The following CPD variants were observed in gnomAD, a reference collection of about 807,000 sequenced individuals.
The protein encoded by CPD is carboxypeptidase D, also known as metallocarboxypeptidase D.
Under a neutral mutation model 138.3 loss-of-function variants are expected in CPD, and 69 were observed. The ratio of observed to expected loss-of-function variants is 0.50; its 90% CI spans 0.41 to 0.61. The LOEUF (loss-of-function observed/expected upper bound fraction) is 0.61. CPD is among the 20% of genes least tolerant of loss of function. The probability of loss-of-function intolerance (pLI) is 0.00; values close to 1 mark genes in which losing one functional copy is unlikely to be tolerated. For missense variants in CPD, 1,432 were observed against 1,733.3 expected (o/e 0.83, Z 3.09); for synonymous variants, 651 against 642.1 (o/e 1.01, Z -0.21).
At chr17:30,381,248 G>A (rs113353795) in intron 1 of CPD, among the ~76,000 whole-genome samples, 9 of 152,198 alleles carry the variant, frequency 5.9e-5, no homozygotes, top group African/African-American at 2.2e-4. Flanking sequence ...GATGGCCAGG[G>A]CTTTTTGGAG....
In CPD at chr17:30,421,013, A is replaced by G. The variant is rs750971511; in HGVS notation, c.1137+30A>G. 8.1e-6 allele frequency: 13 copies of G among 1,607,788 alleles called. No homozygotes were observed. In the Admixed American group the frequency reaches 2.2e-4, roughly 27 times the overall value. ...AAGTAGATGACTGGAATGTTGGGGTATAGAAACAGGATTAAATAAGGGAGA... is the reference window on the plus strand; with the variant it reads ...AAGTAGATGACTGGAATGTTGGGGTGTAGAAACAGGATTAAATAAGGGAGA... On this transcript the variant is annotated intron_variant, in intron 3 of 20. Transcript: ENST00000225719.
intron 2 of CPD, among the ~76,000 whole-genome samples, chr17:30,392,538 C>T (rs1911386971): frequency 6.6e-6 from 1 of 152,130 alleles, no homozygotes; most frequent in Admixed American, 6.5e-5. Flanking sequence ...AATACTTTTA[C>T]TATACATTCT....
chr17:30,427,278 C>A, intron 6 of CPD, 113 bp from the exon 7 acceptor site: 2 of 823,248 alleles, frequency 2.4e-6, no homozygotes, highest in Middle Eastern at 2.4e-4. Context: ...TTGATAATAG[C>A]GAAGCCTGAT....
intron 17 of CPD, among the ~76,000 whole-genome samples, chr17:30,458,311 A>T (rs1026583699): frequency 5.3e-5 from 8 of 152,146 alleles, no homozygotes; most frequent in African/African-American, 1.9e-4. Flanking sequence ...TACCTTTTAA[A>T]TTTCTTGATT....
chr17:30,468,046 G>A lies in CPD; in HGVS notation c.*3232G>A, dbSNP rs531127625. The A allele has an allele frequency of 5.3e-5, 8 of 152,146 alleles. No homozygotes were observed. Among genetic ancestry groups the A allele is most frequent in the Non-Finnish European group, 1.0e-4 (7 of 67,962 alleles). 9.4% of individuals were successfully genotyped at this position (152,146 alleles called of 1,614,324 possible). A position where few individuals can be genotyped will look rare whatever the true frequency, so the allele number is the denominator to read the frequency against. ...TCTGATTTGTTTTAGCTAAAATTTT[G>A]GGGATATGATTTGGGTCTTTGATTA... On this transcript the variant is annotated 3_prime_UTR_variant, in exon 21 of 21. Transcript: ENST00000225719.
chr17:30,453,554 T>C (rs755132924), intron 14 of CPD, among the ~76,000 whole-genome samples: 1 of 152,216 alleles, frequency 6.6e-6, no homozygotes, highest in Non-Finnish European at 1.5e-5. Flanking sequence ...TGAGTGTCTG[T>C]GGCTTTTCCA....
At chr17:30,441,585 A>G (rs1379189932) in intron 9 of CPD, among the ~76,000 whole-genome samples, 1 of 97,256 alleles carries the variant, frequency 1.0e-5, no homozygotes, top group African/African-American at 4.0e-5. Flanking sequence ...AATACGTCCC[A>G]TCAATACCTA....
intron 11 of CPD, 163 bp downstream of exon 11, chr17:30,444,134 T>G: frequency 1.9e-6 from 1 of 527,324 alleles, no homozygotes; most frequent in Non-Finnish European, 3.2e-6. Context: ...TAGTGGCAGA[T>G]AGAGTACACG....
At chr17:30,420,336 C>T (rs1041939441) in intron 2 of CPD, among the ~76,000 whole-genome samples, 1 of 152,194 alleles carries the variant, frequency 6.6e-6, no homozygotes, top group Non-Finnish European at 1.5e-5. Flanking sequence ...ATCGTAGGTA[C>T]TTAATAATGC....
intron 20 of CPD, 117 bp from the exon 21 acceptor site, chr17:30,464,471 G>A (rs1044405537): frequency 5.3e-6 from 4 of 748,678 alleles, no homozygotes; most frequent in Middle Eastern, 2.4e-4. Flanking sequence ...GTTCTTAAGT[G>A]CATGAAATAG....
At chr17:30,446,836 T>C (rs1480812963) in intron 12 of CPD, among the ~76,000 whole-genome samples, 1 of 152,228 alleles carries the variant, frequency 6.6e-6, no homozygotes, top group African/African-American at 2.4e-5. Context: ...CTCCAGCACC[T>C]GTTGTTTCCT....
chr17:30,457,475 G>A (rs1178941721), intron 17 of CPD, among the ~76,000 whole-genome samples: 1 of 152,152 alleles, frequency 6.6e-6, no homozygotes, highest in Non-Finnish European at 1.5e-5. Context: ...GGTATTACAA[G>A]TATCTGTCAC....
At chr17:30,380,669 T>C (rs1254148558) in intron 1 of CPD, 7 of 1,469,842 alleles carry the variant, frequency 4.8e-6, no homozygotes, top group African/African-American at 1.4e-5. Context: ...AGTTAAACTT[T>C]ACAGGAATTG....
In CPD at chr17:30,379,539, T is replaced by G; in HGVS notation, c.559T>G (p.Phe187Val). ...YLLPSLNPDG[F>V]ERAREGDCGF... ...GCTGCCCAGCCTCAACCCCGATGGCTTCGAGCGTGCCCGCGAGGGCGACTG... is the reference window on the plus strand; with the variant it reads ...GCTGCCCAGCCTCAACCCCGATGGCGTCGAGCGTGCCCGCGAGGGCGACTG... Residue 187 changes from phenylalanine to valine, a missense_variant, in exon 1 of 21, where the codon TTC (phenylalanine) becomes GTC (valine). Physicochemically the swap from Phe to Val is conservative, Grantham distance 50 (BLOSUM62 -1). Transcript: ENST00000225719. The surrounding 1 kb of genome is among the most constrained non-coding windows in gnomAD (Gnocchi z 7.0). 6.4e-7 allele frequency: 1 copy of G among 1,557,986 alleles called. No individual in the cohort carries two copies.
intron 2 of CPD, among the ~76,000 whole-genome samples, chr17:30,392,114 A>G (rs1440473579): frequency 6.7e-6 from 1 of 150,190 alleles, no homozygotes; most frequent in Non-Finnish European, 1.5e-5. Context: ...GGTTCCAGCG[A>G]TTCTCCTGCC....
chr17:30,397,612 T>C (rs116777113), intron 2 of CPD, among the ~76,000 whole-genome samples: 1,758 of 151,436 alleles, frequency 0.012, 30 homozygotes, highest in African/African-American at 0.04. Context: ...GTGGTGCACA[T>C]CTGCAGTCCA....
rs908139494 is a variant in CPD at position 30,465,008 on chromosome 17, T to TA, written c.*203dup. ...CCTTCCTTAAAGTACTCTAAACCTT[T>TA]AAAAAAAAATCTGATTTATGCAGCA... On this transcript the variant is annotated 3_prime_UTR_variant, in exon 21 of 21. Transcript: ENST00000225719. The TA allele has an allele frequency of 5.9e-4, 311 of 526,394 alleles. No individual in the cohort carries two copies. The highest frequency in any genetic ancestry group is 1.5e-3 in the Middle Eastern group (3 of 2,006). 32.6% of individuals were successfully genotyped at this position (526,394 alleles called of 1,614,324 possible). A position where few individuals can be genotyped will look rare whatever the true frequency, so the allele number is the denominator to read the frequency against.
intron 2 of CPD, among the ~76,000 whole-genome samples, chr17:30,414,421 A>G (rs1397027556): frequency 6.6e-6 from 1 of 152,072 alleles, no homozygotes; most frequent in East Asian, 1.9e-4. Flanking sequence ...TAAAAATACA[A>G]AAATACAAAA....
chr17:30,383,068 C>T (rs1322569734), intron 1 of CPD, among the ~76,000 whole-genome samples: 1 of 152,052 alleles, frequency 6.6e-6, no homozygotes, highest in Non-Finnish European at 1.5e-5. Flanking sequence ...TTGTTAATAC[C>T]TTAGCTATAG....
Sources: allele counts gnomAD v4.1 joint callset (sites outside exome capture counted in the v4.1 genomes callset), GRCh38; gene constraint gnomAD v4.1.1; non-coding constraint Gnocchi (gnomAD v3.1); transcripts MANE v1.5; gene names NCBI Gene and HGNC (gene_info 2026-07-23, HGNC 2026-07-21).